DMD: variants seen among roughly 807,000 people sequenced by gnomAD.
DMD encodes the protein mutant dystrophin.
Under a neutral mutation model 330.1 loss-of-function variants are expected in DMD, and 63 were observed. That is an observed-to-expected ratio of 0.19 (90% CI 0.16 to 0.24). DMD has a LOEUF of 0.24. Among genes scored for constraint, DMD ranks in the 10% least tolerant of loss-of-function variants. The probability of loss-of-function intolerance (pLI) is 1.00; values close to 1 mark genes in which losing one functional copy is unlikely to be tolerated. For synonymous variants in DMD, 1,223 were observed against 959.8 expected, an observed-to-expected ratio of 1.27 and a Z score of -5.07; for missense variants, 3,344 against 2,684.1, an observed-to-expected ratio of 1.25 and a Z score of -5.43.
chrX:32,768,035 T>C (rs1569514916), intron 7 of DMD, among the ~76,000 whole-genome samples: 2 of 112,129 alleles, frequency 1.8e-5, no homozygotes, highest in East Asian at 5.6e-4. Flanking sequence ...CAGCAATGTT[T>C]CAACTAAAAA....
intron 13 of DMD, among the ~76,000 whole-genome samples, chrX:32,593,659 C>T (rs768724784): frequency 9.0e-6 from 1 of 110,959 alleles, no homozygotes; most frequent in Non-Finnish European, 1.9e-5. Context: ...CAACACAATC[C>T]CTGGGACATA....
chrX:32,321,117 TATTA>T (rs2097611793), intron 41 of DMD, among the ~76,000 whole-genome samples: 1 of 111,668 alleles, frequency 9.0e-6, no homozygotes, highest in East Asian at 2.8e-4. Flanking sequence ...GGTCAAAGCT[TATTA>T]ATTATATATA....
chrX:32,532,241 A>T (rs781741853), intron 17 of DMD, among the ~76,000 whole-genome samples: 5 of 112,152 alleles, frequency 4.5e-5, no homozygotes, highest in Non-Finnish European at 7.5e-5. Context: ...CTCTGTATTT[A>T]AAGATAATCA....
intron 50 of DMD, among the ~76,000 whole-genome samples, chrX:31,779,726 G>T (rs925719483): frequency 9.2e-6 from 1 of 108,270 alleles, no homozygotes; most frequent in Non-Finnish European, 1.9e-5. Context: ...TGTAAAGAGA[G>T]ACAGACAGAG....
chrX:31,898,122 T>G (rs1450430012), intron 47 of DMD, among the ~76,000 whole-genome samples: 11 of 109,423 alleles, frequency 1.0e-4, no homozygotes, highest in Non-Finnish European at 1.7e-4. Context: ...TAAAAGAGGA[T>G]ACAAACAAAT....
chrX:31,131,484 C>T (rs1273684803), intron 77 of DMD, among the ~76,000 whole-genome samples: 1 of 110,726 alleles, frequency 9.0e-6, no homozygotes, highest in Non-Finnish European at 1.9e-5. Context: ...ATATCTTTAC[C>T]CCAGTTTGTG....
intron 44 of DMD, among the ~76,000 whole-genome samples, chrX:32,214,991 T>C (rs1387385886): frequency 9.0e-6 from 1 of 111,615 alleles, no homozygotes; most frequent in Non-Finnish European, 1.9e-5. Context: ...ATTATATCTG[T>C]ATTCCATATA....
At chrX:31,259,688 A>G (rs1431840210) in intron 63 of DMD, among the ~76,000 whole-genome samples, 2 of 111,677 alleles carry the variant, frequency 1.8e-5, no homozygotes, top group Non-Finnish European at 3.8e-5. Context: ...TCTAGAAGAC[A>G]TTTAATCATT....
chrX:31,769,854 T>C (rs1411315161), intron 51 of DMD, among the ~76,000 whole-genome samples: 1 of 112,099 alleles, frequency 8.9e-6, no homozygotes, highest in African/African-American at 3.2e-5. Flanking sequence ...CCTTCTTCTA[T>C]TGTCAATAGA....
intron 1 of DMD, among the ~76,000 whole-genome samples, chrX:33,131,793 C>A (rs2095501171): frequency 8.9e-6 from 1 of 112,277 alleles, no homozygotes; most frequent in South Asian, 3.7e-4. Context: ...TCAGTGTACT[C>A]ATTGTATGCT....
chrX:31,188,105 T>C (rs779271358), intron 67 of DMD, among the ~76,000 whole-genome samples: 6 of 112,330 alleles, frequency 5.3e-5, no homozygotes, highest in African/African-American at 1.9e-4. Context: ...GCAAGATCCA[T>C]CATGTTGGCT....
At chrX:31,626,552 G>A (rs998662827) in intron 55 of DMD, among the ~76,000 whole-genome samples, 4 of 111,013 alleles carry the variant, frequency 3.6e-5, no homozygotes, top group African/African-American at 1.3e-4. Context: ...CATTTTGGAG[G>A]AGAAAGTGGG....
intron 4 of DMD, among the ~76,000 whole-genome samples, chrX:32,841,838 A>G (rs1022807678): frequency 1.8e-5 from 2 of 112,201 alleles, no homozygotes; most frequent in Non-Finnish European, 3.8e-5. Flanking sequence ...AGAATAAACT[A>G]TATCCAAGTG....
chrX:31,708,818 A>C (rs1201798042), intron 52 of DMD, among the ~76,000 whole-genome samples: 1 of 111,889 alleles, frequency 8.9e-6, no homozygotes, highest in African/African-American at 3.2e-5. Context: ...CAAATTTCTT[A>C]CTCAGTTTCC....
chrX:32,113,387 A>G (rs1287181534), intron 44 of DMD, among the ~76,000 whole-genome samples: 2 of 112,807 alleles, frequency 1.8e-5, no homozygotes, highest in East Asian at 5.6e-4. Flanking sequence ...ATAATTACAC[A>G]TGGTATGCAT....
intron 54 of DMD, among the ~76,000 whole-genome samples, chrX:31,638,545 C>G (rs1435080401): frequency 8.9e-6 from 1 of 112,485 alleles, no homozygotes; most frequent in Non-Finnish European, 1.9e-5. Context: ...CAGTATTTCT[C>G]CAACTTATTC....
chrX:32,552,126 A>T (rs755064851), intron 16 of DMD, among the ~76,000 whole-genome samples: 1 of 112,223 alleles, frequency 8.9e-6, no homozygotes, highest in East Asian at 2.8e-4. Context: ...AAGACTATTT[A>T]AAAATTCAGT....
intron 62 of DMD, among the ~76,000 whole-genome samples, chrX:31,307,388 T>C (rs2055123083): frequency 8.9e-6 from 1 of 111,740 alleles, no homozygotes; most frequent in African/African-American, 3.3e-5. Context: ...AACAATACAT[T>C]CAAGGACTTG....
chrX:32,644,362 G>A (rs746517724), intron 10 of DMD, 49 bp from the exon 11 acceptor site: 2 of 1,165,614 alleles, frequency 1.7e-6, no homozygotes, highest in Middle Eastern at 2.4e-4. Flanking sequence ...TAGGTAAATC[G>A]GTGTGGTTTT....
Sources: gnomAD v4.1 joint callset for allele counts (sites outside exome capture counted in the v4.1 genomes callset) on GRCh38, gnomAD v4.1.1 for gene constraint, MANE v1.5 for transcripts, NCBI Gene and HGNC (gene_info 2026-07-23, HGNC 2026-07-21) for gene names.